Variants in KLHL1 observed in about 807,000 individuals in gnomAD.
KLHL1 encodes kelch like family member 1.
Under a neutral mutation model 77.7 loss-of-function variants are expected in KLHL1, and 47 were observed. The ratio of observed to expected loss-of-function variants is 0.60; its 90% CI spans 0.48 to 0.77. KLHL1 has a LOEUF of 0.77. Among genes scored for constraint, KLHL1 ranks in the 30% least tolerant of loss-of-function variants. The pLI, the probability that KLHL1 is intolerant of heterozygous loss-of-function variation, is 0.00. For synonymous variants in KLHL1, 360 were observed against 325.2 expected, an observed-to-expected ratio of 1.11 and a Z score of -1.15; for missense variants, 925 against 910.8, an observed-to-expected ratio of 1.02 and a Z score of -0.20.
chr13:69,919,969 T>TC (rs1246877930), intron 4 of KLHL1, among the ~76,000 whole-genome samples: 1 of 152,144 alleles, frequency 6.6e-6, no homozygotes, highest in Non-Finnish European at 1.5e-5. Flanking sequence ...TTCACATAAC[T>TC]CACTTGCTTG....
intron 5 of KLHL1, among the ~76,000 whole-genome samples, chr13:69,849,375 C>T (rs1879596472): frequency 6.6e-6 from 1 of 151,392 alleles, no homozygotes; most frequent in Non-Finnish European, 1.5e-5. Flanking sequence ...GTCACTTTCC[C>T]CAATACCCTG....
Position 69,847,828 on chromosome 13 carries a change from C to T in KLHL1, c.1228-8666G>A, listed in dbSNP as rs142873321. 7.8e-4 allele frequency among the ~76,000 whole-genome samples: 119 copies of T among 151,610 alleles called. 2 individuals carry two copies. Among genetic ancestry groups the T allele is most frequent in the African/African-American group, 2.8e-3 (117 of 41,498 alleles). On this transcript the variant is annotated intron_variant, in intron 5 of 10. Transcript: ENST00000377844. ...TAGAGAATAAATGACAGTTTCATAG[C>T]TTGCCTTTCAAGTTTTGTGCATGAC...
At chr13:69,957,280 A>C (rs9572313) in intron 3 of KLHL1, among the ~76,000 whole-genome samples, 59,984 of 151,490 alleles carry the variant, frequency 0.4, 12,517 homozygotes, top group Non-Finnish European at 0.47. Context: ...ACTACTTTTA[A>C]AAACAAAAGT....
At chr13:69,964,366 G>A (rs553803664) in intron 2 of KLHL1, among the ~76,000 whole-genome samples, 1 of 152,164 alleles carries the variant, frequency 6.6e-6, no homozygotes, top group East Asian at 1.9e-4. Flanking sequence ...TAGAAAGCTA[G>A]CTTTCATTCT....
chr13:69,730,218 G>A (rs1454496217), intron 8 of KLHL1, among the ~76,000 whole-genome samples: 2 of 151,928 alleles, frequency 1.3e-5, no homozygotes, highest in African/African-American at 4.8e-5. Context: ...GAGCTATAAT[G>A]CAAGCTAATT....
At chr13:69,929,456 G>A (rs1882926960) in intron 4 of KLHL1, among the ~76,000 whole-genome samples, 1 of 151,714 alleles carries the variant, frequency 6.6e-6, no homozygotes, top group Admixed American at 6.6e-5. Context: ...AATTAAAAGG[G>A]GTAGCCTAGA....
chr13:69,769,740 T>C (rs1403067023), intron 7 of KLHL1, among the ~76,000 whole-genome samples: 11 of 152,096 alleles, frequency 7.2e-5, no homozygotes, highest in Non-Finnish European at 1.5e-5. Context: ...GCTGCCCACT[T>C]CAGGTCTCCT....
chr13:69,875,699 T>C (rs1352823724), intron 5 of KLHL1, among the ~76,000 whole-genome samples: 1 of 152,134 alleles, frequency 6.6e-6, no homozygotes, highest in East Asian at 1.9e-4. Flanking sequence ...TTTTGTAACT[T>C]GAACGGTGAA....
At chr13:70,034,451 A>G (rs375125641) in intron 1 of KLHL1, among the ~76,000 whole-genome samples, 14 of 152,164 alleles carry the variant, frequency 9.2e-5, no homozygotes, top group African/African-American at 1.4e-4. Context: ...TCATTGACCA[A>G]TGGGACTCAG....
At chr13:69,763,843 T>C (rs1159974342) in intron 7 of KLHL1, among the ~76,000 whole-genome samples, 1 of 152,232 alleles carries the variant, frequency 6.6e-6, no homozygotes, top group Non-Finnish European at 1.5e-5. Flanking sequence ...AGCAGTGTTT[T>C]ATTTTTCTCC....
intron 4 of KLHL1, among the ~76,000 whole-genome samples, chr13:69,938,257 G>C (rs1204418607): frequency 6.6e-6 from 1 of 152,008 alleles, no homozygotes; most frequent in Non-Finnish European, 1.5e-5. Flanking sequence ...AACATCTATA[G>C]AATACCAGAG....
intron 1 of KLHL1, among the ~76,000 whole-genome samples, chr13:69,994,677 T>C (rs1233234312): frequency 3.9e-5 from 6 of 152,018 alleles, no homozygotes; most frequent in Admixed American, 2.0e-4. Context: ...CTGGGTGAAA[T>C]GAATTGGTAT....
chr13:69,709,821 T>A (rs1234951670), intron 9 of KLHL1, among the ~76,000 whole-genome samples: 1 of 151,894 alleles, frequency 6.6e-6, no homozygotes, highest in African/African-American at 2.4e-5. Context: ...TGAAGCAGGG[T>A]AATGATTATA....
intron 7 of KLHL1, among the ~76,000 whole-genome samples, chr13:69,790,976 G>A (rs1876845267): frequency 6.6e-6 from 1 of 151,884 alleles, no homozygotes; most frequent in South Asian, 2.1e-4. Context: ...TTTTAAAAAA[G>A]GAGAAACATA....
intron 9 of KLHL1, among the ~76,000 whole-genome samples, chr13:69,709,505 G>C (rs58084677): frequency 0.22 from 32,971 of 151,880 alleles, 3,722 homozygotes; most frequent in East Asian, 0.31. Context: ...TAGTGAGTAG[G>C]CTTTACTTGG....
rs1371981023 is a variant in KLHL1 at position 69,701,759 on chromosome 13, C to G, written c.2190G>C (p.Met730Ile). The change falls in exon 11 of 11, where the codon ATG becomes ATC. Residue 730 changes from methionine (M) to isoleucine (I), a missense_variant and splice_region_variant. By Grantham distance (10) the Met-to-Ile change is conservative. Transcript: ENST00000377844. ...YDPQTNEWTQMASLNIGRAGA... is the reference protein window; with the variant it reads ...YDPQTNEWTQIASLNIGRAGA... Reference sequence around the variant, plus strand: ...CTGCTCTCCCAATATTCAAGGAAGCCATCTGTTAAAAAAGATGAAACACAA... The same window carrying G: ...CTGCTCTCCCAATATTCAAGGAAGCGATCTGTTAAAAAAGATGAAACACAA... 6.2e-7 allele frequency: 1 copy of G among 1,603,358 alleles called. No individual in the cohort carries two copies. Among genetic ancestry groups the G allele is most frequent in the African/African-American group, 1.3e-5 (1 of 74,322 alleles).
chr13:70,024,229 C>G (rs912829410), intron 1 of KLHL1, among the ~76,000 whole-genome samples: 3 of 151,874 alleles, frequency 2.0e-5, no homozygotes, highest in Non-Finnish European at 2.9e-5. Context: ...ACTGAATTAG[C>G]AAATGACCCA....
At chr13:69,898,989 T>A (rs1881753339) in intron 4 of KLHL1, among the ~76,000 whole-genome samples, 1 of 150,352 alleles carries the variant, frequency 6.7e-6, no homozygotes, top group Admixed American at 6.7e-5. Context: ...CAGCTGCAAT[T>A]GATATCACAA....
intron 1 of KLHL1, among the ~76,000 whole-genome samples, chr13:69,996,910 A>ATTTTTTTTT (rs10549532): frequency 0.011 from 798 of 71,236 alleles, 44 homozygotes; most frequent in Non-Finnish European, 0.013. Flanking sequence ...TATTCATTAA[A>ATTTTTTTTT]TTTTTTTTTT....
Sources: allele counts gnomAD v4.1 joint callset (sites outside exome capture counted in the v4.1 genomes callset), GRCh38; gene constraint gnomAD v4.1.1; transcripts MANE v1.5; gene names NCBI Gene and HGNC (gene_info 2026-07-23, HGNC 2026-07-21).